Variants in LIMK2 observed in about 807,000 individuals in gnomAD.
The protein encoded by LIMK2 is LIM domain kinase 2.
A neutral mutation model predicts 75.7 loss-of-function variants in LIMK2; 35 were observed. That is an observed-to-expected ratio of 0.46 (90% CI 0.35 to 0.61). LIMK2 has a LOEUF of 0.61. Among genes scored for constraint, LIMK2 ranks in the 20% least tolerant of loss-of-function variants. LIMK2 has a pLI of 0.00. For synonymous variants in LIMK2, 301 were observed against 319.2 expected (o/e 0.94, Z 0.61); for missense variants, 623 against 831.0 (o/e 0.75, Z 3.08).
At chr22:31,246,179 G>GCACACACA (rs1341395963) in intron 2 of LIMK2, among the ~76,000 whole-genome samples, 95 of 69,814 alleles carry the variant, frequency 1.4e-3, no homozygotes, top group Middle Eastern at 9.3e-3. Context: ...ACACACGCAC[G>GCACACACA]CACGCACACA....
At chr22:31,261,907 T>C (rs955461204) in intron 5 of LIMK2, among the ~76,000 whole-genome samples, 3 of 152,156 alleles carry the variant, frequency 2.0e-5, no homozygotes, top group African/African-American at 4.8e-5. Flanking sequence ...GAACTCCAGA[T>C]TGGGAAGATG....
At chr22:31,277,978 C>T (rs552586017) in intron 15 of LIMK2, among the ~76,000 whole-genome samples, 2 of 152,250 alleles carry the variant, frequency 1.3e-5, no homozygotes, top group East Asian at 3.9e-4. Flanking sequence ...AAGCCATTTC[C>T]GTGGCACTAG....
chr22:31,214,117 G>A (rs1015898307), intron 1 of LIMK2, among the ~76,000 whole-genome samples: 1 of 151,712 alleles, frequency 6.6e-6, no homozygotes, highest in Non-Finnish European at 1.5e-5. Flanking sequence ...GCACCCGGCC[G>A]ATTTCCAGTA....
chr22:31,266,252 G>A, intron 8 of LIMK2, 120 bp downstream of exon 8: 1 of 999,020 alleles, frequency 1.0e-6, no homozygotes, highest in East Asian at 2.6e-5. Flanking sequence ...CCTCCTTCCT[G>A]GCTTTGGGTG....
In LIMK2 at chr22:31,262,292, C is replaced by G; in HGVS notation, c.657+53C>G. ...GAGGGTGGGACATGGAACAGATCCTCTGAGAAATCAGGCTGTAGCCTTTAC... is the reference window on the plus strand; with the variant it reads ...GAGGGTGGGACATGGAACAGATCCTGTGAGAAATCAGGCTGTAGCCTTTAC... On this transcript the variant is annotated intron_variant, in intron 6 of 15. Coordinates refer to ENST00000331728, the MANE Select transcript of LIMK2 (RefSeq NM_005569.4). The surrounding 1 kb of genome is among the most constrained non-coding windows in gnomAD (Gnocchi z 5.0). The G allele has an allele frequency of 7.1e-7, 1 of 1,399,122 alleles. No homozygotes were observed. Among genetic ancestry groups the G allele is most frequent in the Non-Finnish European group, 1.0e-6 (1 of 984,072 alleles). The allele number at this position is 1,399,122 out of a possible 1,614,324, so 86.7% of individuals were successfully genotyped here.
intron 1 of LIMK2, 145 bp from the exon 2 acceptor site, chr22:31,225,575 A>C: frequency 8.3e-6 from 5 of 600,336 alleles, no homozygotes; most frequent in Non-Finnish European, 1.2e-5. Flanking sequence ...GATCTTGTGG[A>C]GGCAGAAACT....
At chr22:31,237,123 T>G (rs1056608603) in intron 2 of LIMK2, among the ~76,000 whole-genome samples, 7 of 149,590 alleles carry the variant, frequency 4.7e-5, no homozygotes, top group Admixed American at 4.0e-4. Context: ...TAGCCAGGCA[T>G]GGTGGCAGGC....
intron 2 of LIMK2, among the ~76,000 whole-genome samples, chr22:31,242,222 A>G (rs2048629096): frequency 6.6e-6 from 1 of 152,214 alleles, no homozygotes; most frequent in Non-Finnish European, 1.5e-5. Context: ...AGTCACTACT[A>G]TTTCACTACT....
intron 2 of LIMK2, among the ~76,000 whole-genome samples, chr22:31,241,419 A>G (rs1476377145): frequency 6.6e-6 from 1 of 152,116 alleles, no homozygotes; most frequent in Non-Finnish European, 1.5e-5. Context: ...TACTCCATTG[A>G]TGACTCACCA....
In LIMK2 at chr22:31,275,026, C is replaced by G. The variant is rs2048998924; in HGVS notation, c.1615-125C>G. The G allele has an allele frequency of 8.6e-5, 77 of 896,176 alleles. No homozygotes were observed. The South Asian group carries it at 1.1e-3, about 12-fold the overall frequency. The allele number at this position is 896,176 out of a possible 1,614,324, so 55.5% of individuals were successfully genotyped here. On this transcript the variant is annotated intron_variant, in intron 14 of 15. Transcript: ENST00000331728. ...AGATGATTGGGGATTGGGGAGAGCT[C>G]TCTAACCTATTTTACCACCTCCTCT...
chr22:31,258,894 G>C, intron 3 of LIMK2: 1 of 493,890 alleles, frequency 2.0e-6, no homozygotes, highest in South Asian at 2.3e-5. Context: ...TTACTTCTGG[G>C]GATTTCTTCT....
chr22:31,248,897 G>C (rs766375840), intron 2 of LIMK2: 93 of 981,264 alleles, frequency 9.5e-5, no homozygotes, highest in Non-Finnish European at 1.3e-4. Flanking sequence ...AGCCAGCGGA[G>C]GTTATACCCA....
At position 31,264,792 on chromosome 22, in the gene LIMK2, C is replaced by T. The variant is rs548302692; in HGVS notation, c.855-1154C>T. 1.1e-4 allele frequency among the ~76,000 whole-genome samples: 17 copies of T among 152,072 alleles called. No homozygotes were observed. The South Asian group carries it at 3.5e-3, about 32-fold the overall frequency. ...ACAATAATTAGGCTGGGCGCAGTGG[C>T]TCACGCCTATAATCCCAGCACTTTG... On this transcript the variant is annotated intron_variant, in intron 7 of 15. Transcript: ENST00000331728.
chr22:31,232,366 T>C lies in LIMK2; in HGVS notation c.116+6547T>C, dbSNP rs367731614. Among the ~76,000 whole-genome samples the C allele has an allele frequency of 2.7e-4, 41 of 152,214 alleles. No individual in the cohort carries two copies. In the East Asian group the frequency reaches 6.0e-3, roughly 22 times the overall value. On this transcript the variant is annotated intron_variant, in intron 2 of 15. Transcript: ENST00000331728. The stretch of plus-strand genomic sequence containing the variant: ...GTTCCTTAGCCCCTGTGAGCCTCAG[T>C]TTCTTATCTGTAAAATGTCATAAAA...
rs910569786 is a variant in LIMK2 at position 31,279,221 on chromosome 22, A to C, written c.*780A>C. Reference sequence around the variant, plus strand: ...GCAAAGGAAGAGGCTGGGGGACTAGAAAGAGGCCCTGCCCTCTAGAAAGCT... The same window carrying C: ...GCAAAGGAAGAGGCTGGGGGACTAGCAAGAGGCCCTGCCCTCTAGAAAGCT... On this transcript the variant is annotated 3_prime_UTR_variant, in exon 16 of 16. Transcript: ENST00000331728. 1 of 152,266 alleles carries C rather than the reference A, an allele frequency of 6.6e-6. No individual in the cohort carries two copies. The allele number at this position is 152,266 out of a possible 1,614,324, so 9.4% of individuals were successfully genotyped here. A position where few individuals can be genotyped will look rare whatever the true frequency, so the allele number is the denominator to read the frequency against.
intron 11 of LIMK2, among the ~76,000 whole-genome samples, chr22:31,268,619 A>G (rs962884800): frequency 1.8e-4 from 28 of 152,206 alleles, no homozygotes; most frequent in Non-Finnish European, 5.9e-5. Context: ...GAGAGGCACC[A>G]GGATTGAAGT....
intron 12 of LIMK2, 25 bp from the exon 13 acceptor site, chr22:31,272,505 C>A: frequency 6.3e-7 from 1 of 1,593,192 alleles, no homozygotes; most frequent in South Asian, 1.1e-5. Context: ...CCCATGAAGT[C>A]CTGACCTGTC....
chr22:31,269,189 T>A (rs1375125537), intron 11 of LIMK2, among the ~76,000 whole-genome samples: 1 of 152,058 alleles, frequency 6.6e-6, no homozygotes, highest in Non-Finnish European at 1.5e-5. Context: ...CACTACAGCT[T>A]CGACCTCCTG....
Position 31,267,026 on chromosome 22 carries a change from T to A in LIMK2, c.1084T>A (p.Leu362Ile). Residue 362 changes from leucine (L) to isoleucine (I), a missense_variant, in exon 9 of 16, where the codon TTA becomes ATA. Leu to Ile is a conservative substitution (Grantham distance 5). Transcript: ENST00000331728. ...ATGKVMVMKE[L>I]IRCDEETQKT... Reference sequence around the variant, plus strand: ...GGGCAAAGTGATGGTCATGAAAGAGTTAATTCGATGTGATGAGGAGACCCA... The same window carrying A: ...GGGCAAAGTGATGGTCATGAAAGAGATAATTCGATGTGATGAGGAGACCCA... The A allele has an allele frequency of 6.2e-7, 1 of 1,610,000 alleles. No homozygotes were observed. Among genetic ancestry groups the A allele is most frequent in the South Asian group, 1.1e-5 (1 of 90,298 alleles).
Sources: gnomAD v4.1 joint callset for allele counts (sites outside exome capture counted in the v4.1 genomes callset) on GRCh38, gnomAD v4.1.1 for gene constraint, Gnocchi (gnomAD v3.1) non-coding constraint, MANE v1.5 for transcripts, NCBI Gene and HGNC (gene_info 2026-07-23, HGNC 2026-07-21) for gene names.